CSMD1: variants seen among roughly 807,000 people sequenced by gnomAD.
The protein encoded by CSMD1 is CUB and Sushi multiple domains 1.
Under a neutral mutation model 417.5 loss-of-function variants are expected in CSMD1, and 213 were observed. That is an observed-to-expected ratio of 0.51 (90% CI 0.46 to 0.57). The LOEUF (loss-of-function observed/expected upper bound fraction) is 0.57, where lower values mean the gene tolerates loss of function less well. Ranked by LOEUF, CSMD1 falls within the 20% of genes least tolerant of loss-of-function variation. The pLI is 0.00. For missense variants in CSMD1, 6,923 were observed against 4,529.7 expected (o/e 1.53, Z -15.17); for synonymous variants, 2,862 against 1,736.8 (o/e 1.65, Z -16.11).
chr8:3,714,992 A>T (rs1801744833), intron 6 of CSMD1, among the ~76,000 whole-genome samples: 1 of 152,154 alleles, frequency 6.6e-6, no homozygotes, highest in Admixed American at 6.6e-5. Flanking sequence ...ATTTTCTAAT[A>T]TTAGAATTTA....
At chr8:4,927,429 G>C (rs984948188) in intron 1 of CSMD1, among the ~76,000 whole-genome samples, 1 of 152,154 alleles carries the variant, frequency 6.6e-6, no homozygotes, top group Non-Finnish European at 1.5e-5. Flanking sequence ...GTGAGGCACA[G>C]TGTGAAAGTT....
chr8:4,969,070 A>C (rs765850188), intron 1 of CSMD1, among the ~76,000 whole-genome samples: 18 of 152,290 alleles, frequency 1.2e-4, no homozygotes, highest in Non-Finnish European at 2.2e-4. Context: ...CCATGTAGGT[A>C]AAGTGTTGAC....
chr8:3,046,787 A>G (rs1187049120), intron 50 of CSMD1, among the ~76,000 whole-genome samples: 5 of 152,214 alleles, frequency 3.3e-5, no homozygotes, highest in Non-Finnish European at 5.9e-5. Flanking sequence ...GTGTGCTCAC[A>G]TATGGCAAAT....
chr8:4,295,992 A>C (rs1322007333), intron 3 of CSMD1, among the ~76,000 whole-genome samples: 1 of 151,696 alleles, frequency 6.6e-6, no homozygotes, highest in Non-Finnish European at 1.5e-5. Context: ...AAAAACAAAA[A>C]CCTAAAGACT....
chr8:3,989,654 A>T (rs1005562221), intron 5 of CSMD1, among the ~76,000 whole-genome samples: 6 of 152,236 alleles, frequency 3.9e-5, no homozygotes, highest in African/African-American at 1.4e-4. Flanking sequence ...TTTATGATGT[A>T]TATGTTTATT....
At chr8:4,271,394 G>A (rs140498209) in intron 3 of CSMD1, among the ~76,000 whole-genome samples, 32 of 152,172 alleles carry the variant, frequency 2.1e-4, no homozygotes, top group African/African-American at 4.6e-4. Context: ...TAAAAAATAC[G>A]TAGCTTTGCC....
chr8:4,480,609 A>G (rs562134162), intron 2 of CSMD1, among the ~76,000 whole-genome samples: 2 of 152,238 alleles, frequency 1.3e-5, no homozygotes, highest in Admixed American at 6.5e-5. Context: ...CCAAGAATGC[A>G]TGAGAAACAA....
intron 1 of CSMD1, among the ~76,000 whole-genome samples, chr8:4,670,001 G>C (rs137986316): frequency 6.6e-6 from 1 of 152,136 alleles, no homozygotes; most frequent in African/African-American, 2.4e-5. Flanking sequence ...CACTAGTGAA[G>C]TGTTGCTCCA....
chr8:3,465,829 G>A (rs1816763903), intron 12 of CSMD1, among the ~76,000 whole-genome samples: 2 of 152,110 alleles, frequency 1.3e-5, no homozygotes, highest in Admixed American at 6.5e-5. Flanking sequence ...GTTTGTCTAG[G>A]GTTTGTAGTC....
At chr8:4,463,411 CCA>C (rs1413187143) in intron 2 of CSMD1, among the ~76,000 whole-genome samples, 1 of 152,120 alleles carries the variant, frequency 6.6e-6, no homozygotes, top group African/African-American at 2.4e-5. Flanking sequence ...ACCAGCAAAT[CCA>C]CAGCTAGTTC....
intron 27 of CSMD1, among the ~76,000 whole-genome samples, chr8:3,229,723 G>T (rs896279931): frequency 6.6e-6 from 1 of 152,072 alleles, no homozygotes; most frequent in African/African-American, 2.4e-5. Context: ...GCAATGGTAG[G>T]TTTATAAATT....
chr8:4,886,837 G>A (rs995225625), intron 1 of CSMD1, among the ~76,000 whole-genome samples: 2 of 151,880 alleles, frequency 1.3e-5, no homozygotes, highest in Admixed American at 6.6e-5. Flanking sequence ...GATCTCTTCT[G>A]TCATTTCAGA....
At chr8:4,020,096 T>G (rs1796714968) in intron 4 of CSMD1, among the ~76,000 whole-genome samples, 1 of 152,158 alleles carries the variant, frequency 6.6e-6, no homozygotes, top group South Asian at 2.1e-4. Context: ...GCTGATATTT[T>G]TAGAGTTTCT....
At chr8:3,767,010 T>G (rs1016455124) in intron 5 of CSMD1, among the ~76,000 whole-genome samples, 3 of 152,186 alleles carry the variant, frequency 2.0e-5, no homozygotes, top group Non-Finnish European at 4.4e-5. Context: ...CCTCAACATC[T>G]GAGATCATAT....
At chr8:3,935,677 C>A (rs561322197) in intron 5 of CSMD1, among the ~76,000 whole-genome samples, 7 of 152,226 alleles carry the variant, frequency 4.6e-5, no homozygotes, top group African/African-American at 1.7e-4. Context: ...TGTGTGTGTT[C>A]TGACTGCTCC....
At chr8:4,954,670 T>C (rs1466300395) in intron 1 of CSMD1, among the ~76,000 whole-genome samples, 1 of 152,196 alleles carries the variant, frequency 6.6e-6, no homozygotes, top group Non-Finnish European at 1.5e-5. Flanking sequence ...TCTGAATTCA[T>C]GTGTGTGAAT....
intron 6 of CSMD1, among the ~76,000 whole-genome samples, chr8:3,721,843 A>C (rs901141219): frequency 1.3e-5 from 2 of 152,124 alleles, no homozygotes; most frequent in Non-Finnish European, 2.9e-5. Context: ...GAGTTTTCTG[A>C]GAGGCGCTGT....
At chr8:4,628,011 T>C (rs893682868) in intron 2 of CSMD1, among the ~76,000 whole-genome samples, 1 of 151,838 alleles carries the variant, frequency 6.6e-6, no homozygotes, top group African/African-American at 2.4e-5. Context: ...AAAATGTCTC[T>C]AGATACTGCC....
chr8:4,190,157 G>A (rs544602745), intron 3 of CSMD1, among the ~76,000 whole-genome samples: 2 of 151,342 alleles, frequency 1.3e-5, no homozygotes, highest in East Asian at 2.0e-4. Flanking sequence ...TACTCAGGAG[G>A]CTGAGGCAAG....
Sources: gnomAD v4.1 joint callset for allele counts (sites outside exome capture counted in the v4.1 genomes callset) on GRCh38, gnomAD v4.1.1 for gene constraint, MANE v1.5 for transcripts, NCBI Gene and HGNC (gene_info 2026-07-23, HGNC 2026-07-21) for gene names.